The following ADGRV1 variants were observed in gnomAD, a reference collection of about 807,000 sequenced individuals.
ADGRV1 encodes the protein adhesion G protein-coupled receptor V1.
Under a neutral mutation model 596.2 loss-of-function variants are expected in ADGRV1, and 359 were observed. The observed-to-expected ratio is 0.60, with a 90% confidence interval of 0.55 to 0.66. The LOEUF (loss-of-function observed/expected upper bound fraction) is 0.66. Ranked by LOEUF, ADGRV1 falls within the 30% of genes least tolerant of loss-of-function variation. ADGRV1 has a pLI of 0.00. For synonymous variants in ADGRV1, 2,681 were observed against 2,679.2 expected, an observed-to-expected ratio of 1.00 and a Z score of -0.02; for missense variants, 7,274 against 7,575.6, an observed-to-expected ratio of 0.96 and a Z score of 1.48.
Position 90,653,370 on chromosome 5 carries a change from ATT to A in ADGRV1, c.3797_3798del (p.Ile1266AsnfsTer14). On this transcript the variant is annotated frameshift_variant, in exon 20 of 90. Coordinates refer to ENST00000405460, the MANE Select transcript of ADGRV1 (RefSeq NM_032119.4). LOFTEE classifies it high-confidence loss of function. ...CCTGTCTGAAGATGATATGTCTTATATTACCAACTTCACCATTTTGAGGCAGC... is the reference window on the plus strand; with the variant it reads ...CCTGTCTGAAGATGATATGTCTTATAACCAACTTCACCATTTTGAGGCAGC... ...DVLSEDDMSY[I>X]TNFTILRQQG... 3.7e-6 allele frequency: 6 copies of A among 1,613,962 alleles called. No individual in the cohort carries two copies. The highest frequency in any genetic ancestry group is 5.1e-6 in the Non-Finnish European group (6 of 1,179,862).
At chr5:90,820,705 G>T (rs1763403924) in intron 75 of ADGRV1, among the ~76,000 whole-genome samples, 1 of 150,458 alleles carries the variant, frequency 6.6e-6, no homozygotes, top group Non-Finnish European at 1.5e-5. Flanking sequence ...GAAATTCTGG[G>T]TTGAAAATTC....
rs769391232 is a variant in ADGRV1, at chr5:91,072,508, C to T, written c.18214C>T (p.Leu6072Phe). The T allele has an allele frequency of 8.7e-6, 14 of 1,613,620 alleles. No individual in the cohort carries two copies. The South Asian group carries it at 1.1e-4, about 13-fold the overall frequency. The part of the protein sequence containing the change: ...FTAALVPLTC[L>F]VVVFVVFIHA... ...TGCAGCTCTTGTTCCTTTGACGTGC[C>T]TCGTGGTGGTGTTCGTGGTGTTCAT... Residue 6072 changes from leucine (L) to phenylalanine (F), a missense_variant, in exon 86 of 90, where the codon CTC (leucine) becomes TTC (phenylalanine). Physicochemically the swap from Leu to Phe is conservative, Grantham distance 22. Transcript: ENST00000405460.
chr5:90,584,010 G>T (rs968017321), intron 1 of ADGRV1, among the ~76,000 whole-genome samples: 2 of 152,078 alleles, frequency 1.3e-5, no homozygotes, highest in Non-Finnish European at 2.9e-5. Context: ...CTGATGGCTT[G>T]GGTTTATATC....
intron 1 of ADGRV1, among the ~76,000 whole-genome samples, chr5:90,602,465 A>G (rs1761533703): frequency 1.3e-5 from 2 of 152,204 alleles, no homozygotes; most frequent in Admixed American, 6.5e-5. Flanking sequence ...TACCTTTTGT[A>G]TAAGTGATGA....
At chr5:90,853,160 G>A (rs1342492933) in intron 79 of ADGRV1, 124 bp from the exon 80 acceptor site, 4 of 890,432 alleles carry the variant, frequency 4.5e-6, no homozygotes, top group Non-Finnish European at 6.7e-6. Context: ...CTGCTTCTGG[G>A]TTTGTTGTGT....
intron 82 of ADGRV1, among the ~76,000 whole-genome samples, chr5:90,858,540 G>A (rs1767249848): frequency 6.6e-6 from 1 of 151,926 alleles, no homozygotes; most frequent in African/African-American, 2.4e-5. Flanking sequence ...TAGAGATAGG[G>A]TTTTGCCATG....
chr5:90,624,264 C>T (rs1054723893), intron 5 of ADGRV1, among the ~76,000 whole-genome samples: 1 of 152,122 alleles, frequency 6.6e-6, no homozygotes, highest in Non-Finnish European at 1.5e-5. Flanking sequence ...CACAGTTTTT[C>T]AGGTACTTAG....
intron 58 of ADGRV1, among the ~76,000 whole-genome samples, chr5:90,761,462 T>G (rs1756505491): frequency 6.6e-6 from 1 of 152,370 alleles, no homozygotes; most frequent in South Asian, 2.1e-4. Flanking sequence ...CATTTAGTAT[T>G]CAAATCTTCA....
chr5:90,663,512 G>C (rs1411028078), intron 21 of ADGRV1, among the ~76,000 whole-genome samples: 1 of 150,914 alleles, frequency 6.6e-6, no homozygotes, highest in Non-Finnish European at 1.5e-5. Flanking sequence ...CTGGATATTA[G>C]CCCTTTGTCA....
Position 90,776,350 on chromosome 5 carries a change from ATGAAC to A in ADGRV1, c.12404-101_12404-97del, listed in dbSNP as rs1265745833. The A allele has an allele frequency of 2.8e-6, 3 of 1,057,508 alleles. No individual in the cohort carries two copies. The African/African-American group carries it at 4.7e-5, about 17-fold the overall frequency. The allele number at this position is 1,057,508 out of a possible 1,614,324, so 65.5% of individuals were successfully genotyped here. A position where few individuals can be genotyped will look rare whatever the true frequency, so the allele number is the denominator to read the frequency against. Reference sequence around the variant, plus strand: ...CCTTACTGATATGAGAGTCATGAGAATGAACTAGATTCCTGTGTGTAAAGTGCTTA... The same window carrying A: ...CCTTACTGATATGAGAGTCATGAGAATAGATTCCTGTGTGTAAAGTGCTTA... On this transcript the variant is annotated intron_variant, in intron 60 of 89. Coordinates refer to ENST00000405460, the MANE Select transcript of ADGRV1 (RefSeq NM_032119.4).
intron 8 of ADGRV1, 140 bp from the exon 9 acceptor site, chr5:90,629,070 C>T (rs1465248407): frequency 6.2e-6 from 4 of 644,246 alleles, no homozygotes; most frequent in Non-Finnish European, 9.6e-6. Context: ...TCATCTTTTG[C>T]TCTATTATGT....
intron 78 of ADGRV1, among the ~76,000 whole-genome samples, chr5:90,847,220 A>T (rs534616559): frequency 6.6e-5 from 10 of 151,506 alleles, no homozygotes; most frequent in Admixed American, 2.0e-4. Flanking sequence ...CAGAGTGCTG[A>T]TTGGTGTATT....
chr5:90,992,293 G>A (rs1399268580), intron 85 of ADGRV1, among the ~76,000 whole-genome samples: 2 of 152,062 alleles, frequency 1.3e-5, no homozygotes, highest in African/African-American at 4.8e-5. Context: ...ACTTTTTATG[G>A]CGATTAATTA....
intron 21 of ADGRV1, among the ~76,000 whole-genome samples, chr5:90,666,016 G>A (rs1490156817): frequency 6.6e-6 from 1 of 151,558 alleles, no homozygotes; most frequent in African/African-American, 2.4e-5. Context: ...CATTTGCTGA[G>A]GAGAGCTTTA....
In ADGRV1 at chr5:90,755,159, G is replaced by T. The variant is rs775320414; in HGVS notation, c.11554G>T (p.Ala3852Ser). The change falls in exon 55 of 90, where the codon GCT (alanine) becomes TCT (serine). Residue 3852 changes from alanine to serine, a missense_variant. Around this residue, in one of 5 missense-constraint regions of ADGRV1, gnomAD observed 3,643 missense variants for 3,809.2 expected, o/e 0.96. Transcript: ENST00000405460. ...AATAATGAAAGAAAACATAAAAGAA[G>T]CTCATGCCGAAGTTTCCATTTTGCC... Reference protein sequence around the residue: ...IIIMKENIKEAHAEVSILPDD... With the variant: ...IIIMKENIKESHAEVSILPDD... 1 of 1,605,098 alleles carries T rather than the reference G, an allele frequency of 6.2e-7. No individual in the cohort carries two copies. The highest frequency in any genetic ancestry group is 1.1e-5 in the South Asian group (1 of 89,872).
intron 81 of ADGRV1, 41 bp downstream of exon 81, chr5:90,854,242 C>A: frequency 6.8e-7 from 1 of 1,467,976 alleles, no homozygotes. Flanking sequence ...TTTGGTCCTT[C>A]CCCATTTCGG....
At position 91,031,117 on chromosome 5, in the gene ADGRV1, A is replaced by G. The variant is rs1784447208; in HGVS notation, c.18153-41330A>G. On this transcript the variant is annotated intron_variant, in intron 85 of 89. Coordinates refer to ENST00000405460, the MANE Select transcript of ADGRV1 (RefSeq NM_032119.4). ...TGTTTTGGGATCAGCTCTTGTACAC[A>G]AGTAAAAGAACAGAAACATCTGTAA... 3 of 1,355,676 alleles carry G rather than the reference A, an allele frequency of 2.2e-6. No individual in the cohort carries two copies. In the East Asian group the frequency reaches 6.9e-5, roughly 31 times the overall value. 84.0% of individuals were successfully genotyped at this position (1,355,676 alleles called of 1,614,324 possible).
At chr5:90,631,938 A>C (rs570672149) in intron 9 of ADGRV1, among the ~76,000 whole-genome samples, 4 of 152,352 alleles carry the variant, frequency 2.6e-5, no homozygotes, top group South Asian at 4.1e-4. Flanking sequence ...GATTTTATTA[A>C]TATGGAAGTG....
In ADGRV1 at chr5:90,629,407, A is replaced by C. The variant is rs1765206666; in HGVS notation, c.1707A>C (p.Gln569His). Residue 569 changes from glutamine (Q) to histidine (H), a missense_variant, in exon 9 of 90, where the codon CAA (glutamine) becomes CAC (histidine). Physicochemically the swap from Gln to His is conservative, Grantham distance 24. Coordinates refer to ENST00000405460, the MANE Select transcript of ADGRV1 (RefSeq NM_032119.4). ...YIPAGAVDPL[Q>H]AKEGILNISR... ...CTGCTGGAGCTGTGGACCCCTTGCA[A>C]GCAAAAGAAGGCATCTTAAATATAT... The C allele has an allele frequency of 6.2e-7, 1 of 1,613,686 alleles. No individual in the cohort carries two copies. Among genetic ancestry groups the C allele is most frequent in the Non-Finnish European group, 8.5e-7 (1 of 1,179,834 alleles).
Sources: allele counts gnomAD v4.1 joint callset (sites outside exome capture counted in the v4.1 genomes callset), GRCh38; gene constraint gnomAD v4.1.1; regional missense constraint gnomAD v4.1.1; transcripts MANE v1.5; gene names NCBI Gene and HGNC (gene_info 2026-07-23, HGNC 2026-07-21).